The following OR2F1 variants were observed in gnomAD, a reference collection of about 807,000 sequenced individuals.
OR2F1 encodes the protein olfactory receptor 2F1.
For missense variants in OR2F1, 389 were observed against 378.2 expected (o/e 1.03, Z -0.24); for synonymous variants, 146 against 155.3 (o/e 0.94, Z 0.44).
intron 1 of OR2F1, among the ~76,000 whole-genome samples, chr7:143,957,690 G>C (rs921395733): frequency 2.6e-5 from 4 of 152,192 alleles, no homozygotes; most frequent in African/African-American, 7.2e-5. Context: ...TTCTGAAAGA[G>C]AGCATGAAGT....
In OR2F1 at chr7:143,960,562, A is replaced by C. The variant is rs760156938; in HGVS notation, c.592A>C (p.Thr198Pro). ...ACVDTSSNEV[T>P]IMVSSIVLLM... ...TGTGGACACCTCCTCCAATGAGGTC[A>C]CCATCATGGTGTCTAGCATTGTTCT... is the stretch of plus-strand genomic sequence containing the variant. Residue 198 changes from threonine to proline, a missense_variant, in exon 3 of 3, where the codon ACC becomes CCC. Transcript: ENST00000641412. The C allele has an allele frequency of 6.2e-7, 1 of 1,614,186 alleles. No homozygotes were observed. The highest frequency in any genetic ancestry group is 1.7e-5 in the Admixed American group (1 of 60,032).
In OR2F1 at chr7:143,960,317, C is replaced by A. The variant is rs751073483; in HGVS notation, c.347C>A (p.Ala116Glu). Residue 116 changes from alanine to glutamate, a missense_variant, in exon 3 of 3, where the codon GCG (alanine) becomes GAG (glutamate). Transcript: ENST00000641412. Reference sequence around the variant, plus strand: ...GGTGGGATTGAGTTTGTTCTCCTGGCGGTGATGGCCTATGACCGCTATGTG... The same window carrying A: ...GGTGGGATTGAGTTTGTTCTCCTGGAGGTGATGGCCTATGACCGCTATGTG... ...ALGGIEFVLL[A>E]VMAYDRYVAV... The A allele has an allele frequency of 1.2e-6, 2 of 1,614,136 alleles. No homozygotes were observed. Among genetic ancestry groups the A allele is most frequent in the Non-Finnish European group, 1.7e-6 (2 of 1,180,028 alleles).
chr7:143,958,051 G>A (rs1026711825), intron 1 of OR2F1, among the ~76,000 whole-genome samples: 7 of 152,124 alleles, frequency 4.6e-5, no homozygotes, highest in Non-Finnish European at 2.9e-5. Context: ...GGTCTCCAGT[G>A]CGGCAGAGGA....
At position 143,959,112 on chromosome 7, in the gene OR2F1, T is replaced by C. The variant is rs2050306128; in HGVS notation, c.-24+4T>C. On this transcript the variant is annotated splice_donor_region_variant and intron_variant, in intron 2 of 2. Coordinates refer to ENST00000641412, the MANE Select transcript of OR2F1 (RefSeq NM_012369.3). ...CAAACCATCCCTATACTCTCAGGTA[T>C]GTTACAGATTGTCTCCAATTTTATT... 1 of 152,136 alleles carries C rather than the reference T, an allele frequency of 6.6e-6. No individual in the cohort carries two copies. Among genetic ancestry groups the C allele is most frequent in the African/African-American group, 2.4e-5 (1 of 41,432 alleles). 9.4% of individuals were successfully genotyped at this position (152,136 alleles called of 1,614,324 possible). A position where few individuals can be genotyped will look rare whatever the true frequency, so the allele number is the denominator to read the frequency against.
At chr7:143,956,362 T>C (rs1401528136) in intron 1 of OR2F1, among the ~76,000 whole-genome samples, 1 of 152,124 alleles carries the variant, frequency 6.6e-6, no homozygotes, top group Non-Finnish European at 1.5e-5. Flanking sequence ...ATGCAGATGA[T>C]ATTTACATTT....
intron 1 of OR2F1, among the ~76,000 whole-genome samples, chr7:143,955,621 C>T (rs2050279063): frequency 6.6e-6 from 1 of 152,090 alleles, no homozygotes; most frequent in South Asian, 2.1e-4. Context: ...ACATTCACCC[C>T]AATTCATAAA....
At chr7:143,959,624 T>C (rs1447183207) in intron 2 of OR2F1, among the ~76,000 whole-genome samples, 3 of 152,192 alleles carry the variant, frequency 2.0e-5, no homozygotes, top group African/African-American at 4.8e-5. Flanking sequence ...CTGCTTATCA[T>C]TTTACCGCTG....
rs779086081 is a variant in OR2F1 at position 143,960,688 on chromosome 7, A to G, written c.718A>G (p.Thr240Ala). 1.2e-6 allele frequency: 2 copies of G among 1,613,626 alleles called. No individual in the cohort carries two copies. Among genetic ancestry groups the G allele is most frequent in the Non-Finnish European group, 1.7e-6 (2 of 1,179,932 alleles). ...SREGRKKAFH[T>A]CASHLTVVAL... is the part of the protein sequence containing the mutation. ...AGAAGGAAGAAAGAAAGCTTTCCAC[A>G]CGTGTGCCTCTCACCTCACAGTGGT... The change falls in exon 3 of 3, where the codon ACG (threonine) becomes GCG (alanine). Residue 240 changes from threonine to alanine, a missense_variant. Thr to Ala is a moderately conservative substitution (Grantham distance 58). Coordinates refer to ENST00000641412, the MANE Select transcript of OR2F1 (RefSeq NM_012369.3).
At chr7:143,955,130 A>G (rs1245582787) in intron 1 of OR2F1, 27 bp downstream of exon 1, 1 of 152,182 alleles carries the variant, frequency 6.6e-6, no homozygotes, top group African/African-American at 2.4e-5. Flanking sequence ...TATTTGTTTG[A>G]CAAATAAAAA....
Position 143,960,485 on chromosome 7 carries a change from A to C in OR2F1, c.515A>C (p.Lys172Thr), listed in dbSNP as rs971870782. Residue 172 changes from lysine to threonine, a missense_variant, in exon 3 of 3, where the codon AAG becomes ACG. Transcript: ENST00000641412. ...TTTCAGCTGCCCATGTGCAGAAACAAGTTTATTGATCACATATCCTGTGAA... is the reference window on the plus strand; with the variant it reads ...TTTCAGCTGCCCATGTGCAGAAACACGTTTATTGATCACATATCCTGTGAA... ...ITFQLPMCRNKFIDHISCELL... is the reference protein window; with the variant it reads ...ITFQLPMCRNTFIDHISCELL... 3.7e-6 allele frequency: 6 copies of C among 1,614,158 alleles called. No individual in the cohort carries two copies. In the South Asian group the frequency reaches 4.4e-5, roughly 12 times the overall value.
In OR2F1 at chr7:143,964,323, A is replaced by G. The variant is rs1270137306; in HGVS notation, c.*3399A>G. The G allele has an allele frequency of 6.6e-6, 1 of 152,200 alleles. No individual in the cohort carries two copies. Among genetic ancestry groups the G allele is most frequent in the Non-Finnish European group, 1.5e-5 (1 of 68,026 alleles). The allele number at this position is 152,200 out of a possible 1,614,324, so 9.4% of individuals were successfully genotyped here. A position where few individuals can be genotyped will look rare whatever the true frequency, so the allele number is the denominator to read the frequency against. On this transcript the variant is annotated 3_prime_UTR_variant, in exon 3 of 3. Coordinates refer to ENST00000641412, the MANE Select transcript of OR2F1 (RefSeq NM_012369.3). Reference sequence around the variant, plus strand: ...AAATATTTTTCATTAGTTAATAACCATAAAAACACCACTGAAGGTTTTCCT... The same window carrying G: ...AAATATTTTTCATTAGTTAATAACCGTAAAAACACCACTGAAGGTTTTCCT...
At chr7:143,955,304 T>C (rs1340726166) in intron 1 of OR2F1, among the ~76,000 whole-genome samples, 1 of 152,324 alleles carries the variant, frequency 6.6e-6, no homozygotes, top group Middle Eastern at 3.4e-3. Context: ...CTGATTTTTT[T>C]CCTGTAATTT....
intron 1 of OR2F1, among the ~76,000 whole-genome samples, chr7:143,955,935 T>G (rs1056076891): frequency 7.9e-5 from 12 of 152,164 alleles, no homozygotes; most frequent in African/African-American, 2.7e-4. Context: ...AAGTCACACT[T>G]GTACACCACA....
At chr7:143,955,794 T>C (rs1216900751) in intron 1 of OR2F1, among the ~76,000 whole-genome samples, 3 of 152,166 alleles carry the variant, frequency 2.0e-5, no homozygotes, top group Non-Finnish European at 4.4e-5. Flanking sequence ...ATTGATTTGA[T>C]GTTTGTTGAG....
At position 143,960,994 on chromosome 7, in the gene OR2F1, T is replaced by C; in HGVS notation, c.*70T>C. The C allele has an allele frequency of 8.3e-7, 1 of 1,200,708 alleles. No individual in the cohort carries two copies. The highest frequency in any genetic ancestry group is 1.2e-6 in the Non-Finnish European group (1 of 841,922). 74.4% of individuals were successfully genotyped at this position (1,200,708 alleles called of 1,614,324 possible). The stretch of plus-strand genomic sequence containing the variant: ...CCACCCAGCTGAGATCTGACAGGTG[T>C]AAACTACATTGCCCTGGCAACCAGG... On this transcript the variant is annotated 3_prime_UTR_variant, in exon 3 of 3. Coordinates refer to ENST00000641412, the MANE Select transcript of OR2F1 (RefSeq NM_012369.3).
chr7:143,955,736 T>A (rs1562994941), intron 1 of OR2F1, among the ~76,000 whole-genome samples: 1 of 152,162 alleles, frequency 6.6e-6, no homozygotes, highest in Non-Finnish European at 1.5e-5. Flanking sequence ...CAGCGTGAAT[T>A]GGTTATTTTC....
rs559355298 is a variant in OR2F1 at position 143,960,545 on chromosome 7, C to A, written c.575C>A (p.Thr192Asn). Residue 192 changes from threonine (T) to asparagine (N), a missense_variant, in exon 3 of 3, where the codon ACC (threonine) becomes AAC (asparagine). Transcript: ENST00000641412. ...GTGGTCAGGCTGGCTTGTGTGGACA[C>A]CTCCTCCAATGAGGTCACCATCATG... ...LAVVRLACVD[T>N]SSNEVTIMVS... The A allele has an allele frequency of 2.5e-6, 4 of 1,614,182 alleles. No homozygotes were observed. The highest frequency in any genetic ancestry group is 2.2e-5 in the East Asian group (1 of 44,886).
chr7:143,961,232 A>G lies in OR2F1; in HGVS notation c.*308A>G, dbSNP rs2050328269. 2 of 291,704 alleles carry G rather than the reference A, an allele frequency of 6.9e-6. No individual in the cohort carries two copies. The highest frequency in any genetic ancestry group is 9.4e-5 in the Admixed American group (2 of 21,290). 18.1% of individuals were successfully genotyped at this position (291,704 alleles called of 1,614,324 possible). A position where few individuals can be genotyped will look rare whatever the true frequency, so the allele number is the denominator to read the frequency against. On this transcript the variant is annotated 3_prime_UTR_variant, in exon 3 of 3. Transcript: ENST00000641412. ...TGTTTTGATTTGTCATATCGTTTGT[A>G]ATGATAGACCTACTCATGGATCTTA... is the stretch of plus-strand genomic sequence containing the variant.
At position 143,961,367 on chromosome 7, in the gene OR2F1, T is replaced by C. The variant is rs79026525; in HGVS notation, c.*443T>C. ...AAGACTCACTTTAAATAATTTGTAG[T>C]GTATGTCATCACATGCAGTAATTGT... is the stretch of plus-strand genomic sequence containing the variant. On this transcript the variant is annotated 3_prime_UTR_variant, in exon 3 of 3. Coordinates refer to ENST00000641412, the MANE Select transcript of OR2F1 (RefSeq NM_012369.3). 2,059 of 164,112 alleles carry C rather than the reference T, an allele frequency of 0.013. 153 individuals carry two copies. In the East Asian group the frequency reaches 0.21, roughly 17 times the overall value. The allele number at this position is 164,112 out of a possible 1,614,324, so 10.2% of individuals were successfully genotyped here.
Sources: allele counts gnomAD v4.1 joint callset (sites outside exome capture counted in the v4.1 genomes callset), GRCh38; gene constraint gnomAD v4.1.1; transcripts MANE v1.5; gene names NCBI Gene and HGNC (gene_info 2026-07-23, HGNC 2026-07-21).